Variants in PPP3CC observed in about 807,000 individuals in gnomAD.
The protein encoded by PPP3CC is protein phosphatase 3 catalytic subunit gamma.
Under a neutral mutation model 60.3 loss-of-function variants are expected in PPP3CC, and 35 were observed. The ratio of observed to expected loss-of-function variants is 0.58; its 90% CI spans 0.44 to 0.77. The LOEUF (loss-of-function observed/expected upper bound fraction) is 0.77, where lower values mean the gene tolerates loss of function less well. PPP3CC is among the 30% of genes least tolerant of loss of function. The pLI is 0.00. For synonymous variants in PPP3CC, 206 were observed against 224.3 expected, an observed-to-expected ratio of 0.92 and a Z score of 0.73; for missense variants, 570 against 628.9, an observed-to-expected ratio of 0.91 and a Z score of 1.00.
At chr8:22,492,835 C>T (rs965816597) in intron 3 of PPP3CC, 5 of 998,038 alleles carry the variant, frequency 5.0e-6, no homozygotes, top group Non-Finnish European at 8.0e-6. Flanking sequence ...CAGTGATCCA[C>T]TTTAACAGCA....
chr8:22,453,834 G>C (rs528263694), intron 1 of PPP3CC, among the ~76,000 whole-genome samples: 1 of 152,068 alleles, frequency 6.6e-6, no homozygotes, highest in Non-Finnish European at 1.5e-5. Context: ...CCTAGAAAAG[G>C]TACAGTAAAA....
In PPP3CC at chr8:22,540,829, G is replaced by T. The variant is rs2291235; in HGVS notation, c.*27G>T. Reference sequence around the variant, plus strand: ...TTAGAGTCCTGCCGTGGCTCAGGTGGATCTAAAACTCAAGAACAAATTCTA... The same window carrying T: ...TTAGAGTCCTGCCGTGGCTCAGGTGTATCTAAAACTCAAGAACAAATTCTA... On this transcript the variant is annotated 3_prime_UTR_variant, in exon 14 of 14. Transcript: ENST00000240139. 7.3e-4 allele frequency: 1,101 copies of T among 1,514,158 alleles called. 23 individuals carry two copies. In the East Asian group the frequency reaches 0.025, roughly 35 times the overall value. 93.8% of individuals were successfully genotyped at this position (1,514,158 alleles called of 1,614,324 possible). A position where few individuals can be genotyped will look rare whatever the true frequency, so the allele number is the denominator to read the frequency against.
chr8:22,540,287 G>A (rs1159062491), intron 13 of PPP3CC, among the ~76,000 whole-genome samples: 1 of 152,106 alleles, frequency 6.6e-6, no homozygotes, highest in Admixed American at 6.5e-5. Context: ...TGTTTCTGGT[G>A]CATAAGACAC....
chr8:22,530,829 C>CAAACAAAAAAAAAAAAAAAAAAAA (rs1839691242), intron 10 of PPP3CC, among the ~76,000 whole-genome samples: 1 of 58,034 alleles, frequency 1.7e-5, no homozygotes, highest in African/African-American at 5.2e-5. Flanking sequence ...AGACTCATCT[C>CAAACAAAAAAAAAAAAAAAAAAAA]AAAAAAAAAA....
chr8:22,537,371 C>T (rs1789806419), intron 12 of PPP3CC, among the ~76,000 whole-genome samples: 1 of 152,114 alleles, frequency 6.6e-6, no homozygotes, highest in African/African-American at 2.4e-5. Context: ...ACTTCACAGT[C>T]AGTAGGATGG....
At chr8:22,454,391 C>T (rs1188173109) in intron 1 of PPP3CC, among the ~76,000 whole-genome samples, 1 of 152,204 alleles carries the variant, frequency 6.6e-6, no homozygotes, top group African/African-American at 2.4e-5. Flanking sequence ...ACAATGCCTT[C>T]TCATGGAATA....
chr8:22,493,586 C>A (rs1011363138), intron 3 of PPP3CC, among the ~76,000 whole-genome samples: 3 of 152,064 alleles, frequency 2.0e-5, no homozygotes, highest in Non-Finnish European at 4.4e-5. Flanking sequence ...CACACACACA[C>A]ACATGCACGT....
At chr8:22,446,499 G>A (rs983362231) in intron 1 of PPP3CC, among the ~76,000 whole-genome samples, 2 of 152,184 alleles carry the variant, frequency 1.3e-5, no homozygotes, top group Non-Finnish European at 2.9e-5. Flanking sequence ...GGAATTGAAT[G>A]TCTTTCTATT....
At chr8:22,501,754 T>C (rs1475764000) in intron 4 of PPP3CC, among the ~76,000 whole-genome samples, 2 of 152,186 alleles carry the variant, frequency 1.3e-5, no homozygotes, top group Non-Finnish European at 2.9e-5. Context: ...CTCATGCCTG[T>C]AATTTCAGCA....
At chr8:22,520,373 C>T (rs1303841343) in intron 6 of PPP3CC, among the ~76,000 whole-genome samples, 1 of 152,108 alleles carries the variant, frequency 6.6e-6, no homozygotes, top group Non-Finnish European at 1.5e-5. Context: ...ATTTGTTAAA[C>T]TGTTAGCCTT....
intron 5 of PPP3CC, among the ~76,000 whole-genome samples, chr8:22,511,770 G>C (rs189161622): frequency 1.3e-5 from 2 of 152,134 alleles, no homozygotes; most frequent in African/African-American, 4.8e-5. Flanking sequence ...TAACATTCTT[G>C]TAGTATAGTC....
In PPP3CC at chr8:22,522,704, A is replaced by G; in HGVS notation, c.898A>G (p.Thr300Ala). The G allele has an allele frequency of 6.2e-7, 1 of 1,606,300 alleles. No individual in the cohort carries two copies. Among genetic ancestry groups the G allele is most frequent in the East Asian group, 2.2e-5 (1 of 44,816 alleles). Residue 300 changes from threonine to alanine, a missense_variant, in exon 8 of 14, where the codon ACA (threonine) becomes GCA (alanine). Transcript: ENST00000240139. Reference protein sequence around the residue: ...SQATGFPSLITIFSAPNYLDV... With the variant: ...SQATGFPSLIAIFSAPNYLDV... ...AGCCACAGGCTTTCCATCACTTATT[A>G]CAATTTTCTCTGCCCCCAATTACCT...
At chr8:22,512,581 C>T (rs879393886) in intron 5 of PPP3CC, among the ~76,000 whole-genome samples, 11 of 152,136 alleles carry the variant, frequency 7.2e-5, no homozygotes, top group Admixed American at 3.3e-4. Context: ...ATGAACAGAA[C>T]CATTGTAAAA....
At chr8:22,518,488 T>A (rs1256190364) in intron 6 of PPP3CC, among the ~76,000 whole-genome samples, 1 of 152,220 alleles carries the variant, frequency 6.6e-6, no homozygotes, top group Non-Finnish European at 1.5e-5. Flanking sequence ...TTGTTGATAC[T>A]TCTTTGTGAT....
At position 22,512,875 on chromosome 8, in the gene PPP3CC, G is replaced by A. The variant is rs567874033; in HGVS notation, c.631-418G>A. Among the ~76,000 whole-genome samples, 1,219 of 152,156 alleles carry A rather than the reference G, an allele frequency of 8.0e-3. 10 individuals are homozygous for A. The highest frequency in any genetic ancestry group is 0.019 in the South Asian group (89 of 4,808). On this transcript the variant is annotated intron_variant, in intron 5 of 13. Coordinates refer to ENST00000240139, the MANE Select transcript of PPP3CC (RefSeq NM_005605.5). Reference sequence around the variant, plus strand: ...GCGGATCACCTGAGGTCAGGAGTTCGAGACCAGCCTGACCAACATGGAGAA... The same window carrying A: ...GCGGATCACCTGAGGTCAGGAGTTCAAGACCAGCCTGACCAACATGGAGAA...
rs577750406 is a variant in PPP3CC at position 22,521,576 on chromosome 8, A to G, written c.771-915A>G. On this transcript the variant is annotated intron_variant, in intron 6 of 13. Transcript: ENST00000240139. ...GCACTTATGGCCATGGATGGCTTCC[A>G]AACTATTGTTTCTGTAGGAGGACCA... Among the ~76,000 whole-genome samples the G allele has an allele frequency of 3.9e-5, 6 of 152,310 alleles. No homozygotes were observed. The East Asian group carries it at 9.6e-4, about 24-fold the overall frequency.
In PPP3CC at chr8:22,441,538, C is replaced by T; in HGVS notation, c.49+80C>T. On this transcript the variant is annotated intron_variant, in intron 1 of 13. Coordinates refer to ENST00000240139, the MANE Select transcript of PPP3CC (RefSeq NM_005605.5). The stretch of plus-strand genomic sequence containing the variant: ...GGCGGCGGCTCGGGGCGGAGGGAGG[C>T]TGGGGCCGGGCTGCGCCCACCCTAG... 7 of 1,422,076 alleles carry T rather than the reference C, an allele frequency of 4.9e-6. No homozygotes were observed. In the South Asian group the frequency reaches 1.0e-4, roughly 21 times the overall value. The allele number at this position is 1,422,076 out of a possible 1,614,324, so 88.1% of individuals were successfully genotyped here. A position where few individuals can be genotyped will look rare whatever the true frequency, so the allele number is the denominator to read the frequency against.
At chr8:22,512,814 C>T (rs746818929) in intron 5 of PPP3CC, among the ~76,000 whole-genome samples, 15 of 152,274 alleles carry the variant, frequency 9.9e-5, no homozygotes, top group South Asian at 2.1e-4. Flanking sequence ...CGGTGGTTCA[C>T]GCCTGTAATC....
intron 11 of PPP3CC, 37 bp from the exon 12 acceptor site, chr8:22,532,884 C>A (rs773718061): frequency 5.2e-5 from 75 of 1,428,782 alleles, no homozygotes; most frequent in Admixed American, 8.8e-5. Flanking sequence ...ATGGAGAGTT[C>A]TCGGGCATTA....
Sources: allele counts gnomAD v4.1 joint callset (sites outside exome capture counted in the v4.1 genomes callset), GRCh38; gene constraint gnomAD v4.1.1; transcripts MANE v1.5; gene names NCBI Gene and HGNC (gene_info 2026-07-23, HGNC 2026-07-21).